The following KCND2 variants were observed in gnomAD, a reference collection of about 807,000 sequenced individuals.
The protein encoded by KCND2 is A-type voltage-gated potassium channel KCND2.
Under a neutral mutation model 54.4 loss-of-function variants are expected in KCND2, and 16 were observed. The observed-to-expected ratio is 0.29, with a 90% CI of 0.20 to 0.45. KCND2 has a LOEUF of 0.45. Ranked by LOEUF, KCND2 falls within the 20% of genes least tolerant of loss-of-function variation. KCND2 has a pLI of 1.00. For missense variants in KCND2, 486 were observed against 824.2 expected, an observed-to-expected ratio of 0.59 and a Z score of 5.02; for synonymous variants, 317 against 310.7, an observed-to-expected ratio of 1.02 and a Z score of -0.21.
chr7:120,560,290 A>C (rs1471957595), intron 1 of KCND2, among the ~76,000 whole-genome samples: 1 of 152,206 alleles, frequency 6.6e-6, no homozygotes, highest in Non-Finnish European at 1.5e-5. Context: ...CAGCAGAAGA[A>C]ATTTTAACTA....
chr7:120,641,446 TG>T (rs1297257889), intron 1 of KCND2, among the ~76,000 whole-genome samples: 1 of 152,178 alleles, frequency 6.6e-6, no homozygotes, highest in Admixed American at 6.5e-5. Context: ...TCTGTGACCT[TG>T]TGTAAATCAC....
intron 4 of KCND2, among the ~76,000 whole-genome samples, chr7:120,745,462 G>GT (rs969103587): frequency 4.3e-4 from 63 of 147,956 alleles, no homozygotes; most frequent in East Asian, 2.8e-3. Context: ...CATTTTTTAG[G>GT]TTTTTTTTTT....
intron 1 of KCND2, among the ~76,000 whole-genome samples, chr7:120,397,985 G>GTA (rs1187607878): frequency 1.4e-4 from 5 of 36,898 alleles, no homozygotes; most frequent in Non-Finnish European, 4.2e-4. Flanking sequence ...GTGTGTGTGT[G>GTA]TGTGTGTGTG....
chr7:120,597,937 C>A (rs560422121), intron 1 of KCND2, among the ~76,000 whole-genome samples: 2 of 152,020 alleles, frequency 1.3e-5, no homozygotes, highest in Non-Finnish European at 2.9e-5. Context: ...CTAGGGTACT[C>A]TTCTTTAAGT....
intron 1 of KCND2, among the ~76,000 whole-genome samples, chr7:120,382,708 T>TA (rs1393588731): frequency 2.0e-5 from 3 of 151,884 alleles, no homozygotes. Flanking sequence ...TATCTTCCAC[T>TA]AAGTAACAGT....
intron 1 of KCND2, among the ~76,000 whole-genome samples, chr7:120,375,671 A>G (rs1483878152): frequency 6.6e-6 from 1 of 151,788 alleles, no homozygotes; most frequent in Admixed American, 6.6e-5. Context: ...AAGCTAATGA[A>G]CCATTCTCTG....
chr7:120,439,206 T>C (rs890336815), intron 1 of KCND2, among the ~76,000 whole-genome samples: 17 of 152,034 alleles, frequency 1.1e-4, no homozygotes, highest in Non-Finnish European at 2.5e-4. Flanking sequence ...TTAATTAAAT[T>C]AGAATTTTTT....
chr7:120,566,867 G>C (rs989066307), intron 1 of KCND2, among the ~76,000 whole-genome samples: 2 of 151,466 alleles, frequency 1.3e-5, no homozygotes, highest in African/African-American at 4.9e-5. Flanking sequence ...ATATGATTTT[G>C]ATAGAGCTTT....
At chr7:120,691,893 A>C (rs1792273761) in intron 1 of KCND2, among the ~76,000 whole-genome samples, 1 of 152,224 alleles carries the variant, frequency 6.6e-6, no homozygotes. Context: ...AGGAGAATGC[A>C]GAGTCCTAAA....
intron 1 of KCND2, among the ~76,000 whole-genome samples, chr7:120,442,882 T>G (rs1163960368): frequency 6.6e-6 from 1 of 152,106 alleles, no homozygotes; most frequent in Non-Finnish European, 1.5e-5. Flanking sequence ...TAAAAGTAAA[T>G]TAAATTTAAA....
At chr7:120,450,389 CAG>C (rs1173615070) in intron 1 of KCND2, among the ~76,000 whole-genome samples, 2 of 152,068 alleles carry the variant, frequency 1.3e-5, no homozygotes, top group East Asian at 3.9e-4. Context: ...AGCCTGGTGA[CAG>C]AGTGAGACTC....
chr7:120,411,042 G>A (rs549157782), intron 1 of KCND2, among the ~76,000 whole-genome samples: 5 of 152,050 alleles, frequency 3.3e-5, no homozygotes, highest in African/African-American at 1.2e-4. Flanking sequence ...AAACCCCATC[G>A]TCTCAGCCCA....
At position 120,748,148 on chromosome 7, in the gene KCND2, T is replaced by G; in HGVS notation, c.*290T>G. ...TCTTATGATCAGAACTCTTTTTTAA[T>G]AAAATAAATAACATAAATCGTTGAA... On this transcript the variant is annotated 3_prime_UTR_variant, in exon 6 of 6. Coordinates refer to ENST00000331113, the MANE Select transcript of KCND2 (RefSeq NM_012281.3). The G allele has an allele frequency of 4.6e-6, 1 of 218,464 alleles. No homozygotes were observed. The highest frequency in any genetic ancestry group is 9.1e-6 in the Non-Finnish European group (1 of 110,250). The allele number at this position is 218,464 out of a possible 1,614,324, so 13.5% of individuals were successfully genotyped here.
intron 1 of KCND2, among the ~76,000 whole-genome samples, chr7:120,323,454 C>G (rs1443697367): frequency 6.6e-6 from 1 of 151,280 alleles, no homozygotes; most frequent in African/African-American, 2.4e-5. Flanking sequence ...CCCACTCCCC[C>G]CACCCCACAA....
chr7:120,315,765 A>AGT lies in KCND2; in HGVS notation c.1115+40069_1115+40070dup, dbSNP rs59537613. On this transcript the variant is annotated intron_variant, in intron 1 of 5. Coordinates refer to ENST00000331113, the MANE Select transcript of KCND2 (RefSeq NM_012281.3). ...AATGTTTTGTGGTTTTTCCATAAGC[A>AGT]GTGTGTGTGTGTGTGTGTGTGTGTG... Among the ~76,000 whole-genome samples, 295 of 137,592 alleles carry AGT rather than the reference A, an allele frequency of 2.1e-3. 1 individual carries two copies. The highest frequency in any genetic ancestry group is 7.7e-3 in the African/African-American group (277 of 35,824). 90.3% of individuals were successfully genotyped at this position (137,592 alleles called of 152,430 possible). A position where few individuals can be genotyped will look rare whatever the true frequency, so the allele number is the denominator to read the frequency against.
In KCND2 at chr7:120,674,480, A is replaced by AAATG. The variant is rs149944602; in HGVS notation, c.1116-58403_1116-58400dup. Among the ~76,000 whole-genome samples the AAATG allele has an allele frequency of 0.016, 2,491 of 152,258 alleles. 150 individuals are homozygous for AAATG. In the East Asian group the frequency reaches 0.17, roughly 11 times the overall value. Reference sequence around the variant, plus strand: ...AATAAATGTAAATTGGCAGAAGAATAAATGAATGAATGAATGAATGAATAT... The same window carrying AAATG: ...AATAAATGTAAATTGGCAGAAGAATAAATGAATGAATGAATGAATGAATGAATAT... On this transcript the variant is annotated intron_variant, in intron 1 of 5. Transcript: ENST00000331113.
At chr7:120,360,275 G>A (rs1342332609) in intron 1 of KCND2, among the ~76,000 whole-genome samples, 1 of 152,066 alleles carries the variant, frequency 6.6e-6, no homozygotes, top group Non-Finnish European at 1.5e-5. Context: ...AAAGGTACAT[G>A]TCTTGATATC....
chr7:120,369,049 G>A (rs1800726800), intron 1 of KCND2, among the ~76,000 whole-genome samples: 2 of 151,976 alleles, frequency 1.3e-5, no homozygotes, highest in African/African-American at 4.8e-5. Flanking sequence ...ATGGTATTTG[G>A]TGTTGTTTTT....
At chr7:120,515,710 G>A (rs1584809580) in intron 1 of KCND2, among the ~76,000 whole-genome samples, 1 of 152,272 alleles carries the variant, frequency 6.6e-6, no homozygotes, top group Middle Eastern at 3.4e-3. Flanking sequence ...CTGGGATTGA[G>A]AGAAAAATGA....
Sources: gnomAD v4.1 joint callset for allele counts (sites outside exome capture counted in the v4.1 genomes callset) on GRCh38, gnomAD v4.1.1 for gene constraint, MANE v1.5 for transcripts, NCBI Gene and HGNC (gene_info 2026-07-23, HGNC 2026-07-21) for gene names.